PTPRZ1: variants seen among roughly 807,000 people sequenced by gnomAD.
PTPRZ1 encodes receptor-type tyrosine-protein phosphatase zeta.
A neutral mutation model predicts 214.1 loss-of-function variants in PTPRZ1; 82 were observed. The observed-to-expected ratio is 0.38, with a 90% CI of 0.32 to 0.46. PTPRZ1 has a LOEUF of 0.46. Ranked by LOEUF, PTPRZ1 falls within the 20% of genes least tolerant of loss-of-function variation. The pLI is 1.00. For synonymous variants in PTPRZ1, 945 were observed against 987.9 expected (o/e 0.96, Z 0.81); for missense variants, 2,603 against 2,748.7 (o/e 0.95, Z 1.19).
intron 2 of PTPRZ1, among the ~76,000 whole-genome samples, chr7:121,954,513 AG>A (rs1796649188): frequency 6.6e-6 from 1 of 152,156 alleles, no homozygotes; most frequent in African/African-American, 2.4e-5. Context: ...TTATCTAGAA[AG>A]CCTTACTTGT....
chr7:122,041,047 A>G, intron 21 of PTPRZ1, 68 bp downstream of exon 21: 1 of 1,326,470 alleles, frequency 7.5e-7, no homozygotes, highest in East Asian at 2.5e-5. Context: ...AATCAATGGA[A>G]CAAAGCTTTT....
intron 2 of PTPRZ1, among the ~76,000 whole-genome samples, chr7:121,953,907 G>A (rs1463703600): frequency 6.6e-6 from 1 of 152,144 alleles, no homozygotes; most frequent in African/African-American, 2.4e-5. Context: ...TCAGTTCCTG[G>A]AGGAAATGAT....
At chr7:121,892,706 ATATATATATATATATATG>A (rs1794677029) in intron 1 of PTPRZ1, among the ~76,000 whole-genome samples, 1 of 126,980 alleles carries the variant, frequency 7.9e-6, no homozygotes, top group Non-Finnish European at 1.7e-5. Flanking sequence ...ATATATATAT[ATATATATATATATATATG>A]TAATGTTTAT....
chr7:121,984,997 A>AT (rs200463887), intron 8 of PTPRZ1, among the ~76,000 whole-genome samples: 94 of 151,436 alleles, frequency 6.2e-4, no homozygotes, highest in African/African-American at 1.7e-3. Flanking sequence ...GAATTCAATG[A>AT]TTTTTTTTTG....
intron 14 of PTPRZ1, 38 bp downstream of exon 14, chr7:122,028,681 T>C: frequency 7.0e-7 from 1 of 1,434,588 alleles, no homozygotes; most frequent in Non-Finnish European, 9.8e-7. Context: ...AGCTGGTAGA[T>C]GTTGAACAAA....
intron 1 of PTPRZ1, among the ~76,000 whole-genome samples, chr7:121,916,587 G>A (rs1455006525): frequency 6.6e-6 from 1 of 152,222 alleles, no homozygotes; most frequent in Non-Finnish European, 1.5e-5. Context: ...TATTCTCCAA[G>A]ACTATTAATT....
intron 2 of PTPRZ1, among the ~76,000 whole-genome samples, chr7:121,962,845 TGA>T (rs1029726075): frequency 1.3e-5 from 2 of 152,000 alleles, no homozygotes; most frequent in African/African-American, 2.4e-5. Context: ...ATTACAGGTG[TGA>T]GTCACCACAC....
intron 2 of PTPRZ1, among the ~76,000 whole-genome samples, chr7:121,928,573 G>A (rs1269276751): frequency 6.6e-6 from 1 of 152,124 alleles, no homozygotes; most frequent in East Asian, 1.9e-4. Context: ...TGAAGCACTT[G>A]TCACAGAGCC....
chr7:121,966,551 A>G (rs1797052446), intron 2 of PTPRZ1, among the ~76,000 whole-genome samples: 1 of 152,200 alleles, frequency 6.6e-6, no homozygotes, highest in Non-Finnish European at 1.5e-5. Flanking sequence ...ATCACTGTGC[A>G]TATTTAAAAC....
At chr7:121,982,860 G>A (rs907814596) in intron 6 of PTPRZ1, among the ~76,000 whole-genome samples, 2 of 151,734 alleles carry the variant, frequency 1.3e-5, no homozygotes, top group East Asian at 1.9e-4. Flanking sequence ...TGCAACCTCC[G>A]CCTCCCAGGT....
At chr7:121,926,625 T>C (rs1384264427) in intron 1 of PTPRZ1, among the ~76,000 whole-genome samples, 1 of 152,098 alleles carries the variant, frequency 6.6e-6, no homozygotes, top group African/African-American at 2.4e-5. Flanking sequence ...AAAATATTAG[T>C]GTTTTCCTAG....
chr7:121,890,341 T>G (rs1794551296), intron 1 of PTPRZ1, among the ~76,000 whole-genome samples: 1 of 152,144 alleles, frequency 6.6e-6, no homozygotes, highest in Non-Finnish European at 1.5e-5. Context: ...TTTTAATTCT[T>G]CCATCTCTCT....
intron 2 of PTPRZ1, among the ~76,000 whole-genome samples, chr7:121,958,595 A>G (rs1796781430): frequency 6.6e-6 from 1 of 152,092 alleles, no homozygotes; most frequent in Non-Finnish European, 1.5e-5. Flanking sequence ...TCCCAGACCC[A>G]TATTTTTTGT....
chr7:121,964,118 T>G (rs1178537165), intron 2 of PTPRZ1, among the ~76,000 whole-genome samples: 1 of 152,208 alleles, frequency 6.6e-6, no homozygotes, highest in African/African-American at 2.4e-5. Flanking sequence ...ATGTTATATT[T>G]GATCCTTACG....
At chr7:121,926,134 C>T (rs1795750712) in intron 1 of PTPRZ1, among the ~76,000 whole-genome samples, 1 of 152,084 alleles carries the variant, frequency 6.6e-6, no homozygotes, top group African/African-American at 2.4e-5. Flanking sequence ...GAAACCCCGT[C>T]TCTACTAAAA....
chr7:122,045,163 G>T (rs1322200918), intron 23 of PTPRZ1, among the ~76,000 whole-genome samples: 1 of 152,118 alleles, frequency 6.6e-6, no homozygotes, highest in Admixed American at 6.6e-5. Context: ...CAGAAAGCAG[G>T]TGTTACCGGA....
intron 1 of PTPRZ1, among the ~76,000 whole-genome samples, 194 bp from the exon 2 acceptor site, chr7:121,927,962 T>A (rs1026194263): frequency 6.6e-6 from 1 of 152,150 alleles, no homozygotes; most frequent in Non-Finnish European, 1.5e-5. Context: ...CCTCTAAAAT[T>A]TGCACTAGCT....
chr7:121,944,143 T>G (rs941684032), intron 2 of PTPRZ1, among the ~76,000 whole-genome samples: 3 of 152,182 alleles, frequency 2.0e-5, no homozygotes, highest in African/African-American at 4.8e-5. Flanking sequence ...TTTACCTACA[T>G]AGGGAAATTC....
intron 23 of PTPRZ1, among the ~76,000 whole-genome samples, chr7:122,050,829 C>T (rs1206359): frequency 0.64 from 97,427 of 151,974 alleles, 32,992 homozygotes; most frequent in African/African-American, 0.88. Flanking sequence ...TTTTCATTTA[C>T]CCGACTGTCA....
Sources: allele counts gnomAD v4.1 joint callset (sites outside exome capture counted in the v4.1 genomes callset), GRCh38; gene constraint gnomAD v4.1.1; transcripts MANE v1.5; gene names NCBI Gene and HGNC (gene_info 2026-07-23, HGNC 2026-07-21).